The following ANKS6 variants were observed in gnomAD, a reference collection of about 807,000 sequenced individuals.
The protein encoded by ANKS6 is ankyrin repeat and sterile alpha motif domain containing 6.
Under a neutral mutation model 77.9 loss-of-function variants are expected in ANKS6, and 47 were observed. The ratio of observed to expected loss-of-function variants is 0.60; its 90% CI spans 0.48 to 0.77. The LOEUF (loss-of-function observed/expected upper bound fraction) is 0.77. Among genes scored for constraint, ANKS6 ranks in the 30% least tolerant of loss-of-function variants. The probability of loss-of-function intolerance (pLI) is 0.00; values close to 1 mark genes in which losing one functional copy is unlikely to be tolerated. For synonymous variants in ANKS6, 488 were observed against 501.7 expected, an observed-to-expected ratio of 0.97 and a Z score of 0.37; for missense variants, 1,150 against 1,159.1, an observed-to-expected ratio of 0.99 and a Z score of 0.11.
At chr9:98,767,834 GTGGGTGTGTACCCTGCCAC>G (rs1833384872) in intron 11 of ANKS6, among the ~76,000 whole-genome samples, 1 of 152,246 alleles carries the variant, frequency 6.6e-6, no homozygotes, top group East Asian at 1.9e-4. Flanking sequence ...ACTGCAGGAA[GTGGGTGTGTACCCTGCCAC>G]TGTGCAGCAG....
At chr9:98,740,215 A>G (rs1831749149) in intron 14 of ANKS6, among the ~76,000 whole-genome samples, 1 of 152,050 alleles carries the variant, frequency 6.6e-6, no homozygotes, top group Non-Finnish European at 1.5e-5. Flanking sequence ...AGACCCCCAC[A>G]CAGACACCTC....
intron 12 of ANKS6, among the ~76,000 whole-genome samples, chr9:98,756,001 T>C (rs1435172120): frequency 6.6e-6 from 1 of 152,146 alleles, no homozygotes; most frequent in African/African-American, 2.4e-5. Flanking sequence ...TCAGGCATGG[T>C]TGAAGCACAC....
intron 11 of ANKS6, among the ~76,000 whole-genome samples, chr9:98,757,974 CT>C (rs1832804886): frequency 6.6e-6 from 1 of 151,986 alleles, no homozygotes; most frequent in East Asian, 1.9e-4. Flanking sequence ...ATAAAATATC[CT>C]TTGGGAGAAG....
Position 98,735,808 on chromosome 9 carries a change from A to G in ANKS6, c.*711T>C, listed in dbSNP as rs1831466268. The G allele has an allele frequency of 8.1e-7, 1 of 1,231,762 alleles. No homozygotes were observed. The allele number at this position is 1,231,762 out of a possible 1,614,324, so 76.3% of individuals were successfully genotyped here. A position where few individuals can be genotyped will look rare whatever the true frequency, so the allele number is the denominator to read the frequency against. ...AAAGAAAAATGCGTTTGACATACAC[A>G]TCTCCAATGTAAGCTGTATGCAGCA... On this transcript the variant is annotated 3_prime_UTR_variant, in exon 15 of 15. Transcript: ENST00000353234.
At position 98,734,162 on chromosome 9, in the gene ANKS6, T is replaced by A; in HGVS notation, c.*2357A>T. On this transcript the variant is annotated 3_prime_UTR_variant, in exon 15 of 15. Transcript: ENST00000353234. The stretch of plus-strand genomic sequence containing the variant: ...CAGAAAGGGTGCCAGGGACCTCTTG[T>A]GAACCAGCACACAAACTTCCTAGGA... 9.1e-6 allele frequency: 9 copies of A among 985,450 alleles called. No homozygotes were observed. The highest frequency in any genetic ancestry group is 9.6e-6 in the Non-Finnish European group (8 of 829,958). The allele number at this position is 985,450 out of a possible 1,614,324, so 61.0% of individuals were successfully genotyped here. A position where few individuals can be genotyped will look rare whatever the true frequency, so the allele number is the denominator to read the frequency against.
intron 14 of ANKS6, among the ~76,000 whole-genome samples, chr9:98,736,953 G>C (rs1257535700): frequency 6.6e-6 from 1 of 152,118 alleles, no homozygotes; most frequent in Non-Finnish European, 1.5e-5. Flanking sequence ...CCTTTCCTGC[G>C]CCTCTGTGCA....
chr9:98,781,498 C>A lies in ANKS6; in HGVS notation c.1219+969G>T, dbSNP rs149115357. 5.4e-3 allele frequency among the ~76,000 whole-genome samples: 829 copies of A among 152,268 alleles called. 6 individuals are homozygous for A. Among genetic ancestry groups the A allele is most frequent in the South Asian group, 0.023 (109 of 4,822 alleles). On this transcript the variant is annotated intron_variant, in intron 5 of 14. Transcript: ENST00000353234. The stretch of plus-strand genomic sequence containing the variant: ...TGGAGTAGGATCACTGGACTTGGGG[C>A]ACAGGACTCCAACCCTCTGGCTGGG...
intron 11 of ANKS6, among the ~76,000 whole-genome samples, chr9:98,767,427 G>T (rs1387524505): frequency 6.6e-6 from 1 of 152,068 alleles, no homozygotes; most frequent in Non-Finnish European, 1.5e-5. Flanking sequence ...CTCAAACCTG[G>T]GTAGGGCCCC....
chr9:98,784,364 T>C, intron 3 of ANKS6: 1 of 477,140 alleles, frequency 2.1e-6, no homozygotes, highest in South Asian at 4.5e-5. Context: ...AACACACGAA[T>C]GGGCAGAAGT....
intron 10 of ANKS6, among the ~76,000 whole-genome samples, chr9:98,769,139 AAAAG>A (rs1185248191): frequency 1.8e-4 from 27 of 151,798 alleles, no homozygotes; most frequent in Middle Eastern, 3.4e-3. Context: ...AAAAAAAAAA[AAAAG>A]AAAGAAAGAA....
chr9:98,789,527 AGAG>A (rs2118169282), intron 2 of ANKS6, among the ~76,000 whole-genome samples: 1 of 152,116 alleles, frequency 6.6e-6, no homozygotes, highest in Admixed American at 6.6e-5. Context: ...TGATCAGGGC[AGAG>A]GAGGTCAGGC....
chr9:98,745,790 T>C (rs1025978548), intron 13 of ANKS6, 115 bp from the exon 14 acceptor site: 13 of 758,960 alleles, frequency 1.7e-5, no homozygotes, highest in Non-Finnish European at 2.5e-5. Flanking sequence ...AAACTGATGA[T>C]GATTTACTAC....
chr9:98,774,335 C>A (rs531406579), intron 8 of ANKS6, among the ~76,000 whole-genome samples: 1 of 152,270 alleles, frequency 6.6e-6, no homozygotes, highest in East Asian at 1.9e-4. Context: ...GGAGACAGAG[C>A]GCCAAGGAGA....
At position 98,791,908 on chromosome 9, in the gene ANKS6, C is replaced by T. The variant is rs1279036055; in HGVS notation, c.360-1302G>A. Among the ~76,000 whole-genome samples, 1 of 152,154 alleles carries T rather than the reference C, an allele frequency of 6.6e-6. No individual in the cohort carries two copies. Among genetic ancestry groups the T allele is most frequent in the Non-Finnish European group, 1.5e-5 (1 of 68,024 alleles). ...ACACAGCTCCATCAGCTGCAGGGGGCTGGGCCTCTTGACCTCCACTCCCAG... is the reference window on the plus strand; with the variant it reads ...ACACAGCTCCATCAGCTGCAGGGGGTTGGGCCTCTTGACCTCCACTCCCAG... On this transcript the variant is annotated intron_variant, in intron 1 of 14. Transcript: ENST00000353234. This position sits in a 1 kb window ranked among gnomAD's most constrained non-coding sequence, Gnocchi z 4.3.
intron 11 of ANKS6, among the ~76,000 whole-genome samples, chr9:98,764,467 CCT>C (rs1218952347): frequency 3.3e-5 from 5 of 152,240 alleles, no homozygotes; most frequent in East Asian, 1.9e-4. Flanking sequence ...TTCTGCCCCA[CCT>C]CTCTCTCTTC....
chr9:98,784,223 G>T (rs1834437511), intron 3 of ANKS6, 66 bp from the exon 4 acceptor site: 8 of 1,415,784 alleles, frequency 5.7e-6, no homozygotes, highest in South Asian at 1.5e-5. Context: ...TTCTCCTGTG[G>T]TTCATGTAAC....
Position 98,751,344 on chromosome 9 carries a change from CAG to C in ANKS6, c.2327-250_2327-249del, listed in dbSNP as rs141633902. Among the ~76,000 whole-genome samples, 2,516 of 152,220 alleles carry C rather than the reference CAG, an allele frequency of 0.017. 77 individuals carry two copies. The highest frequency in any genetic ancestry group is 0.058 in the African/African-American group (2,391 of 41,546). ...AACTCCACGTCAGGCTGTGAAGACA[CAG>C]AGAGTCTGGGCCAGGACTGACTGAT... On this transcript the variant is annotated intron_variant, in intron 12 of 14. Coordinates refer to ENST00000353234, the MANE Select transcript of ANKS6 (RefSeq NM_173551.5).
At chr9:98,755,821 C>A (rs1444009560) in intron 12 of ANKS6, among the ~76,000 whole-genome samples, 3 of 152,184 alleles carry the variant, frequency 2.0e-5, no homozygotes, top group African/African-American at 4.8e-5. Flanking sequence ...ATAAATACAG[C>A]CAAGCCAATG....
At chr9:98,746,025 T>C in intron 13 of ANKS6, 1 of 288,810 alleles carries the variant, frequency 3.5e-6, no homozygotes, top group Non-Finnish European at 6.6e-6. Flanking sequence ...CTTTTAACAA[T>C]ATCGGATACT....
Sources: gnomAD v4.1 joint callset for allele counts (sites outside exome capture counted in the v4.1 genomes callset) on GRCh38, gnomAD v4.1.1 for gene constraint, Gnocchi (gnomAD v3.1) non-coding constraint, MANE v1.5 for transcripts, NCBI Gene and HGNC (gene_info 2026-07-23, HGNC 2026-07-21) for gene names.